EPB41L2: variants seen among roughly 807,000 people sequenced by gnomAD.
EPB41L2 encodes the protein band 4.1-like protein 2.
In EPB41L2, 43 loss-of-function variants were observed where a neutral mutation model predicts 113.0. The ratio of observed to expected loss-of-function variants is 0.38; its 90% confidence interval spans 0.30 to 0.49. The LOEUF (loss-of-function observed/expected upper bound fraction) is 0.49. Among genes scored for constraint, EPB41L2 ranks in the 20% least tolerant of loss-of-function variants. The pLI is 0.95. For synonymous variants in EPB41L2, 442 were observed against 436.7 expected (o/e 1.01, Z -0.15); for missense variants, 1,147 against 1,223.4 (o/e 0.94, Z 0.93).
At chr6:130,932,320 T>TTA (rs1807175319) in intron 3 of EPB41L2, among the ~76,000 whole-genome samples, 1 of 148,448 alleles carries the variant, frequency 6.7e-6, no homozygotes, top group East Asian at 2.0e-4. Flanking sequence ...ACATTGCTTT[T>TTA]AAAAAAAAAA....
intron 1 of EPB41L2, among the ~76,000 whole-genome samples, chr6:131,036,682 C>G (rs957867354): frequency 2.0e-5 from 3 of 152,138 alleles, no homozygotes; most frequent in African/African-American, 7.2e-5. Context: ...AACTATGATT[C>G]TAAGATTCTG....
intron 1 of EPB41L2, among the ~76,000 whole-genome samples, chr6:130,996,419 C>A (rs565226691): frequency 6.6e-6 from 1 of 152,298 alleles, no homozygotes; most frequent in South Asian, 2.1e-4. Context: ...CTTATGTGAT[C>A]TGATCTTTAC....
chr6:130,968,866 T>C (rs1004013628), intron 1 of EPB41L2, among the ~76,000 whole-genome samples: 3 of 152,016 alleles, frequency 2.0e-5, no homozygotes, highest in Admixed American at 2.0e-4. Context: ...GAAATGTATT[T>C]GTTTTTTTAG....
chr6:130,916,163 G>T (rs1800989658), intron 4 of EPB41L2, among the ~76,000 whole-genome samples: 2 of 151,662 alleles, frequency 1.3e-5, no homozygotes, highest in Non-Finnish European at 2.9e-5. Flanking sequence ...AAAAGAGGTG[G>T]GATTTTTTTT....
intron 1 of EPB41L2, among the ~76,000 whole-genome samples, chr6:131,035,385 C>T (rs1793090896): frequency 6.6e-6 from 1 of 152,164 alleles, no homozygotes; most frequent in African/African-American, 2.4e-5. Context: ...CACACCTTTG[C>T]CTTCTTCCTA....
intron 4 of EPB41L2, among the ~76,000 whole-genome samples, chr6:130,926,305 C>G (rs1323058894): frequency 6.6e-6 from 1 of 152,198 alleles, no homozygotes; most frequent in Non-Finnish European, 1.5e-5. Flanking sequence ...ACCATTTATT[C>G]TGTGTTCTCT....
intron 14 of EPB41L2, among the ~76,000 whole-genome samples, chr6:130,876,144 A>G (rs1352002996): frequency 6.6e-6 from 1 of 152,216 alleles, no homozygotes; most frequent in Non-Finnish European, 1.5e-5. Context: ...ATGTAAAAGC[A>G]ATGGAAAGTG....
chr6:130,878,359 A>C (rs1306956571), intron 13 of EPB41L2, 109 bp from the exon 14 acceptor site: 3 of 1,289,686 alleles, frequency 2.3e-6, no homozygotes, highest in Non-Finnish European at 3.1e-6. Context: ...ATTAAAAAAA[A>C]AACCATAGTA....
intron 3 of EPB41L2, among the ~76,000 whole-genome samples, chr6:130,938,204 A>C (rs1809545938): frequency 6.6e-6 from 1 of 152,216 alleles, no homozygotes; most frequent in Non-Finnish European, 1.5e-5. Flanking sequence ...CTGATTCTTG[A>C]ATTTGATGAC....
At chr6:130,863,983 C>T (rs867699720) in intron 17 of EPB41L2, among the ~76,000 whole-genome samples, 2 of 152,204 alleles carry the variant, frequency 1.3e-5, no homozygotes, top group Non-Finnish European at 2.9e-5. Context: ...TTCAAGATGG[C>T]ATCTGTCCCA....
intron 1 of EPB41L2, among the ~76,000 whole-genome samples, chr6:131,039,078 A>G (rs1011493368): frequency 2.0e-5 from 3 of 152,206 alleles, no homozygotes; most frequent in Non-Finnish European, 4.4e-5. Flanking sequence ...AAATTCAGTT[A>G]TACATTTAAA....
intron 8 of EPB41L2, among the ~76,000 whole-genome samples, chr6:130,895,460 A>C (rs1794366716): frequency 6.6e-6 from 1 of 152,188 alleles, no homozygotes; most frequent in African/African-American, 2.4e-5. Flanking sequence ...AAGATACGGG[A>C]AATAAAATGA....
intron 12 of EPB41L2, 158 bp from the exon 13 acceptor site, chr6:130,880,364 CAAAT>C: frequency 3.2e-6 from 2 of 622,700 alleles, no homozygotes; most frequent in Non-Finnish European, 5.7e-6. Context: ...ACACAACTCA[CAAAT>C]AAACCCTGAG....
intron 4 of EPB41L2, among the ~76,000 whole-genome samples, chr6:130,919,737 T>C (rs1802286233): frequency 6.6e-6 from 1 of 152,156 alleles, no homozygotes; most frequent in Non-Finnish European, 1.5e-5. Context: ...TAATACTCCA[T>C]TTTTTCAGCT....
chr6:130,943,999 T>G (rs1811808742), intron 3 of EPB41L2, among the ~76,000 whole-genome samples: 1 of 152,034 alleles, frequency 6.6e-6, no homozygotes, highest in South Asian at 2.1e-4. Context: ...ATGCCTAGAG[T>G]TTCACAATCT....
chr6:131,062,062 C>A lies in EPB41L2; in HGVS notation c.-15+1093G>T, dbSNP rs533720100. 1.9e-4 allele frequency among the ~76,000 whole-genome samples: 29 copies of A among 152,124 alleles called. 1 individual carries two copies. The highest frequency in any genetic ancestry group is 7.0e-4 in the African/African-American group (29 of 41,502). On this transcript the variant is annotated intron_variant, in intron 1 of 19. Transcript: ENST00000337057. Reference sequence around the variant, plus strand: ...CACCCAGGGATCTTAAAATTAAGGGCAGCTGTGGTGTTGATGGGGCAATTC... The same window carrying A: ...CACCCAGGGATCTTAAAATTAAGGGAAGCTGTGGTGTTGATGGGGCAATTC...
At chr6:130,872,584 G>C (rs1213494320) in intron 14 of EPB41L2, 5 of 1,249,214 alleles carry the variant, frequency 4.0e-6, no homozygotes, top group Non-Finnish European at 5.2e-6. Context: ...CAATAAGTCA[G>C]AACAGACAGC....
At chr6:130,945,796 A>G (rs528435103) in intron 3 of EPB41L2, among the ~76,000 whole-genome samples, 1 of 152,296 alleles carries the variant, frequency 6.6e-6, no homozygotes, top group East Asian at 1.9e-4. Flanking sequence ...CTTTATATCC[A>G]TGGCTTCAAC....
At chr6:130,954,475 A>T (rs1265405417) in intron 3 of EPB41L2, among the ~76,000 whole-genome samples, 1 of 152,166 alleles carries the variant, frequency 6.6e-6, no homozygotes, top group Non-Finnish European at 1.5e-5. Context: ...AAACAAGATA[A>T]TCCATTAAAC....
Sources: gnomAD v4.1 joint callset for allele counts (sites outside exome capture counted in the v4.1 genomes callset) on GRCh38, gnomAD v4.1.1 for gene constraint, MANE v1.5 for transcripts, NCBI Gene and HGNC (gene_info 2026-07-23, HGNC 2026-07-21) for gene names.